MAP3K21: variants seen among roughly 807,000 people sequenced by gnomAD.
MAP3K21 encodes mitogen-activated protein kinase kinase kinase 21.
Under a neutral mutation model 86.1 loss-of-function variants are expected in MAP3K21, and 63 were observed. That is an observed-to-expected ratio of 0.73 (90% CI 0.60 to 0.90). MAP3K21 has a LOEUF of 0.90. Among genes scored for constraint, MAP3K21 ranks in the 40% least tolerant of loss-of-function variants. The pLI is 0.00. For missense variants in MAP3K21, 1,220 were observed against 1,367.7 expected (o/e 0.89, Z 1.70); for synonymous variants, 558 against 564.8 (o/e 0.99, Z 0.17).
In MAP3K21 at chr1:233,382,706, T is replaced by C. The variant is rs1411971454; in HGVS notation, c.3106T>C (p.Ser1036Pro). 6.2e-7 allele frequency: 1 copy of C among 1,611,114 alleles called. No homozygotes were observed. Among genetic ancestry groups the C allele is most frequent in the Non-Finnish European group, 8.5e-7 (1 of 1,177,772 alleles). Residue 1036 changes from serine (S) to proline (P), a missense_variant, in exon 10 of 10, where the codon TCT becomes CCT. Ser to Pro is a moderately conservative substitution (Grantham distance 74). This residue lies in a region of MAP3K21 where 632 missense variants were observed against 691.3 expected (regional missense o/e 0.91). Coordinates refer to ENST00000366624, the MANE Select transcript of MAP3K21 (RefSeq NM_032435.3). ...SIYELEKEFL[S>P] ...ATATGAACTGGAGAAAGAATTCCTG[T>C]CTTAAACTAAGTGCCTTACTGTTGT...
chr1:233,328,498 C>G lies in MAP3K21; in HGVS notation c.470C>G (p.Pro157Arg). 1 of 1,518,810 alleles carries G rather than the reference C, an allele frequency of 6.6e-7. No homozygotes were observed. The highest frequency in any genetic ancestry group is 2.7e-5 in the East Asian group (1 of 37,378). 94.1% of individuals were successfully genotyped at this position (1,518,810 alleles called of 1,614,324 possible). A position where few individuals can be genotyped will look rare whatever the true frequency, so the allele number is the denominator to read the frequency against. Residue 157 changes from proline (P) to arginine (R), a missense_variant, in exon 1 of 10, where the codon CCG becomes CGG. Physicochemically the swap from Pro to Arg is moderately radical, Grantham distance 103. Around this residue, in one of 5 missense-constraint regions of MAP3K21, gnomAD observed 369 missense variants for 385.3 expected, o/e 0.96. Coordinates refer to ENST00000366624, the MANE Select transcript of MAP3K21 (RefSeq NM_032435.3). The surrounding 1 kb of genome is among the most constrained non-coding windows in gnomAD (Gnocchi z 8.7). ...GCCGTGAAGGCGGCGCGCCAGGACC[C>G]GGAGCAGGACGCGGCGGCGGCTGCC... ...EVAVKAARQD[P>R]EQDAAAAAES...
intron 1 of MAP3K21, among the ~76,000 whole-genome samples, chr1:233,339,280 T>TTCTTCTTCTTCCTGTTCTTCTTCC (rs1662980013): frequency 6.0e-5 from 3 of 50,410 alleles, no homozygotes; most frequent in Admixed American, 2.2e-4. Flanking sequence ...CTTCTTCTTC[T>TTCTTCTTCTTCCTGTTCTTCTTCC]TCTTCTTCTT....
At chr1:233,367,116 C>T (rs747524672) in intron 5 of MAP3K21, among the ~76,000 whole-genome samples, 1 of 152,094 alleles carries the variant, frequency 6.6e-6, no homozygotes, top group Non-Finnish European at 1.5e-5. Context: ...AAGACAAAAG[C>T]TTTAAAGCCT....
At chr1:233,347,473 AC>A (rs1443792449) in intron 2 of MAP3K21, among the ~76,000 whole-genome samples, 1 of 152,204 alleles carries the variant, frequency 6.6e-6, no homozygotes, top group African/African-American at 2.4e-5. Context: ...CCTAGAACTT[AC>A]TTGCCATTGT....
chr1:233,382,530 G>A lies in MAP3K21; in HGVS notation c.2930G>A (p.Arg977His), dbSNP rs756177215. The change falls in exon 10 of 10, where the codon CGC (arginine) becomes CAC (histidine). Residue 977 changes from arginine (R) to histidine (H), a missense_variant. Physicochemically the swap from Arg to His is conservative, Grantham distance 29. Transcript: ENST00000366624. ...GCACAGACTGCCTGTGTAGTGGGTC[G>A]CCCAGGACCACATCCCACCCAATTC... is the stretch of plus-strand genomic sequence containing the variant. ...QLAQTACVVG[R>H]PGPHPTQFLA... 1.2e-5 allele frequency: 19 copies of A among 1,613,990 alleles called. No individual in the cohort carries two copies. Among genetic ancestry groups the A allele is most frequent in the Middle Eastern group, 3.3e-4 (2 of 6,084 alleles).
At position 233,328,341 on chromosome 1, in the gene MAP3K21, A is replaced by G; in HGVS notation, c.313A>G (p.Ser105Gly). The G allele has an allele frequency of 2.7e-6, 4 of 1,466,938 alleles. No homozygotes were observed. The highest frequency in any genetic ancestry group is 1.8e-6 in the Non-Finnish European group (2 of 1,118,332). 90.9% of individuals were successfully genotyped at this position (1,466,938 alleles called of 1,614,324 possible). The part of the protein sequence containing the change: ...NYVAPCRPAA[S>G]PAPPPSRPSS... ...CGTGGCTCCCTGCCGCCCGGCCGCC[A>G]GCCCCGCGCCGCCGCCCTCGCGGCC... Residue 105 changes from serine (S) to glycine (G), a missense_variant, in exon 1 of 10, where the codon AGC becomes GGC. Ser to Gly is a moderately conservative substitution (Grantham distance 56). Coordinates refer to ENST00000366624, the MANE Select transcript of MAP3K21 (RefSeq NM_032435.3). This position sits in a 1 kb window ranked among gnomAD's most constrained non-coding sequence, Gnocchi z 8.7.
At chr1:233,339,520 G>T (rs1487328716) in intron 1 of MAP3K21, among the ~76,000 whole-genome samples, 2 of 135,728 alleles carry the variant, frequency 1.5e-5, no homozygotes, top group Admixed American at 7.9e-5. Flanking sequence ...TTTCTCTGTT[G>T]TCCAGGCTGG....
chr1:233,328,182 C>A lies in MAP3K21; in HGVS notation c.154C>A (p.Arg52Ser). 6.8e-7 allele frequency: 1 copy of A among 1,479,234 alleles called. No individual in the cohort carries two copies. The highest frequency in any genetic ancestry group is 1.3e-5 in the South Asian group (1 of 78,320). 91.6% of individuals were successfully genotyped at this position (1,479,234 alleles called of 1,614,324 possible). The stretch of plus-strand genomic sequence containing the variant: ...GGCCGCGCTCTATGACTACGAGGCT[C>A]GCGGCGAGGACGAGCTGAGCCTGCG... ...LWAALYDYEA[R>S]GEDELSLRRG... Residue 52 changes from arginine to serine, a missense_variant, in exon 1 of 10, where the codon CGC becomes AGC. This residue lies in a region of MAP3K21 where 369 missense variants were observed against 385.3 expected (regional missense o/e 0.96). Transcript: ENST00000366624. The surrounding 1 kb of genome is among the most constrained non-coding windows in gnomAD (Gnocchi z 8.7).
intron 4 of MAP3K21, among the ~76,000 whole-genome samples, chr1:233,360,914 C>A (rs1389065227): frequency 6.6e-6 from 1 of 152,142 alleles, no homozygotes; most frequent in East Asian, 1.9e-4. Flanking sequence ...AGCTCAGAGC[C>A]CAACACTCCA....
rs116687767 is a variant in MAP3K21, at chr1:233,352,308, T to A, written c.987-1499T>A. Among the ~76,000 whole-genome samples the A allele has an allele frequency of 9.8e-3, 1,494 of 152,316 alleles. 33 individuals carry two copies. Among genetic ancestry groups the A allele is most frequent in the African/African-American group, 0.034 (1,423 of 41,560 alleles). On this transcript the variant is annotated intron_variant, in intron 2 of 9. Coordinates refer to ENST00000366624, the MANE Select transcript of MAP3K21 (RefSeq NM_032435.3). ...GCATATCCTTCATCTCAAACATTTATCATTTGTTTGTGTTGGGAACATCCT... is the reference window on the plus strand; with the variant it reads ...GCATATCCTTCATCTCAAACATTTAACATTTGTTTGTGTTGGGAACATCCT...
intron 6 of MAP3K21, among the ~76,000 whole-genome samples, chr1:233,375,144 A>G (rs1663766656): frequency 6.6e-6 from 1 of 152,050 alleles, no homozygotes; most frequent in Non-Finnish European, 1.5e-5. Flanking sequence ...GGGTTTCACC[A>G]TGTTGGCCAG....
rs1268112184 is a variant in MAP3K21, at chr1:233,383,595, T to C, written c.*884T>C. 2.0e-5 allele frequency: 3 copies of C among 151,984 alleles called. No individual in the cohort carries two copies. Among genetic ancestry groups the C allele is most frequent in the Admixed American group, 2.0e-4 (3 of 15,228 alleles). The allele number at this position is 151,984 out of a possible 1,614,324, so 9.4% of individuals were successfully genotyped here. A position where few individuals can be genotyped will look rare whatever the true frequency, so the allele number is the denominator to read the frequency against. ...AGTGGAAAGCTTTTTCATTCTCCAG[T>C]AGAACTTTTAAAAATTGTTACAGAT... On this transcript the variant is annotated 3_prime_UTR_variant, in exon 10 of 10. Transcript: ENST00000366624.
intron 1 of MAP3K21, among the ~76,000 whole-genome samples, chr1:233,343,418 A>C (rs74536841): frequency 0.014 from 2,120 of 152,282 alleles, 54 homozygotes; most frequent in African/African-American, 0.048. Context: ...CAAGACAAGC[A>C]AGGAAGCAGA....
rs895808873 is a variant in MAP3K21 at position 233,365,293 on chromosome 1, G to A, written c.1552+3000G>A. ...TAGACAATTGGGACTATATTGAACC[G>A]AAAAGCTTCTGCACAGCAAAGGAAA... On this transcript the variant is annotated intron_variant, in intron 5 of 9. Transcript: ENST00000366624. 3.9e-5 allele frequency among the ~76,000 whole-genome samples: 6 copies of A among 152,242 alleles called. No individual in the cohort carries two copies. In the East Asian group the frequency reaches 5.8e-4, roughly 15 times the overall value.
intron 6 of MAP3K21, among the ~76,000 whole-genome samples, chr1:233,375,453 G>T (rs533369376): frequency 1.2e-4 from 18 of 152,116 alleles, no homozygotes; most frequent in Admixed American, 9.8e-4. Context: ...AATAAAGAAA[G>T]AAATAAATTG....
chr1:233,376,204 A>G, intron 7 of MAP3K21, 138 bp downstream of exon 7: 1 of 792,992 alleles, frequency 1.3e-6, no homozygotes, highest in Non-Finnish European at 2.0e-6. Flanking sequence ...TTCTAGGATG[A>G]ATTTATCATG....
At chr1:233,355,592 T>C (rs1310318460) in intron 4 of MAP3K21, among the ~76,000 whole-genome samples, 3 of 152,138 alleles carry the variant, frequency 2.0e-5, no homozygotes, top group Admixed American at 2.0e-4. Context: ...GTTGACAAGT[T>C]TTTAAAAGGG....
chr1:233,379,419 CCTT>C lies in MAP3K21; in HGVS notation c.2417_2419del (p.Ser806del). 1 of 1,614,250 alleles carries C rather than the reference CCTT, an allele frequency of 6.2e-7. No homozygotes were observed. On this transcript the variant is annotated inframe_deletion, in exon 9 of 10. Transcript: ENST00000366624. ...AAGTGCCCTGGGCATCCTCTCCACA[CCTT>C]CTTTCTCCACAAAGTGCCTGCTGCA...
chr1:233,361,087 C>T (rs1419398010), intron 4 of MAP3K21, among the ~76,000 whole-genome samples: 3 of 152,114 alleles, frequency 2.0e-5, no homozygotes, highest in Non-Finnish European at 4.4e-5. Flanking sequence ...TGGTTCAGCA[C>T]TGCAAAGAAT....
Sources: allele counts gnomAD v4.1 joint callset (sites outside exome capture counted in the v4.1 genomes callset), GRCh38; gene constraint gnomAD v4.1.1; regional missense constraint gnomAD v4.1.1; non-coding constraint Gnocchi (gnomAD v3.1); transcripts MANE v1.5; gene names NCBI Gene and HGNC (gene_info 2026-07-23, HGNC 2026-07-21).